Variants in COL21A1 observed in about 807,000 individuals in gnomAD.
The protein encoded by COL21A1 is collagen type XXI alpha 1 chain, also known as collagen alpha-1(XXI) chain.
A neutral mutation model predicts 137.9 loss-of-function variants in COL21A1; 149 were observed. That is an observed-to-expected ratio of 1.08 (90% CI 0.95 to 1.24). COL21A1 has a LOEUF of 1.24. Ranked by LOEUF, COL21A1 falls within the 50% of genes most tolerant of loss-of-function variation. The pLI, the probability that COL21A1 is intolerant of heterozygous loss-of-function variation, is 0.00. For missense variants in COL21A1, 1,167 were observed against 1,158.4 expected (o/e 1.01, Z -0.11); for synonymous variants, 456 against 391.5 (o/e 1.16, Z -1.95).
intron 1 of COL21A1, among the ~76,000 whole-genome samples, chr6:56,393,621 G>A (rs564175334): frequency 3.3e-5 from 5 of 152,308 alleles, no homozygotes; most frequent in African/African-American, 1.2e-4. Flanking sequence ...AGTGTATAGA[G>A]ATTCATGCTG....
intron 1 of COL21A1, among the ~76,000 whole-genome samples, chr6:56,183,594 T>C (rs759135767): frequency 9.2e-5 from 14 of 152,122 alleles, no homozygotes; most frequent in Non-Finnish European, 1.9e-4. Flanking sequence ...TAGAACAGCC[T>C]AGAGAGAGTC....
rs192268025 is a variant in COL21A1, at chr6:56,203,746, T to C, written c.-38-21090A>G. On this transcript the variant is annotated intron_variant, in intron 1 of 29. Coordinates refer to ENST00000244728, the MANE Select transcript of COL21A1 (RefSeq NM_030820.4). ...ATCAACACAGAAGGTGGGTGATTTCTGCATTTCCAACTGAGGTACCCAGTT... is the reference window on the plus strand; with the variant it reads ...ATCAACACAGAAGGTGGGTGATTTCCGCATTTCCAACTGAGGTACCCAGTT... Among the ~76,000 whole-genome samples the C allele has an allele frequency of 1.1e-4, 16 of 152,322 alleles. No individual in the cohort carries two copies. In the East Asian group the frequency reaches 3.1e-3, roughly 29 times the overall value.
intron 16 of COL21A1, among the ~76,000 whole-genome samples, chr6:56,107,257 G>A (rs992375078): frequency 1.3e-5 from 2 of 151,924 alleles, no homozygotes; most frequent in African/African-American, 2.4e-5. Context: ...ACGTCAATGA[G>A]GAGAAAACAA....
At chr6:56,103,774 A>C (rs2152172638) in intron 16 of COL21A1, among the ~76,000 whole-genome samples, 1 of 152,254 alleles carries the variant, frequency 6.6e-6, no homozygotes, top group Admixed American at 6.5e-5. Context: ...TGATTCTCAA[A>C]ATTTAACTTC....
At chr6:56,368,708 C>T (rs768633338) in intron 1 of COL21A1, among the ~76,000 whole-genome samples, 3 of 152,080 alleles carry the variant, frequency 2.0e-5, no homozygotes, top group Non-Finnish European at 4.4e-5. Context: ...TTCTTGGGAA[C>T]GAAGCTTCAA....
At chr6:56,092,581 G>A (rs1431364024) in intron 17 of COL21A1, among the ~76,000 whole-genome samples, 1 of 152,162 alleles carries the variant, frequency 6.6e-6, no homozygotes, top group Non-Finnish European at 1.5e-5. Context: ...AATATTGACT[G>A]AAGAGTCTTG....
intron 1 of COL21A1, among the ~76,000 whole-genome samples, chr6:56,391,326 T>C (rs1473786332): frequency 6.6e-6 from 1 of 151,852 alleles, no homozygotes; most frequent in African/African-American, 2.4e-5. Flanking sequence ...TGTATAACAA[T>C]AGACACTTCC....
chr6:56,116,257 TC>T (rs1485677124), intron 16 of COL21A1, among the ~76,000 whole-genome samples: 1 of 151,572 alleles, frequency 6.6e-6, no homozygotes, highest in Non-Finnish European at 1.5e-5. Context: ...AAAGAAAGGA[TC>T]CTAGAAGCAG....
chr6:56,098,422 AATATATAAATATATATAAATATATAT>A (rs1769889242), intron 17 of COL21A1, among the ~76,000 whole-genome samples: 1 of 6,470 alleles, frequency 1.5e-4, no homozygotes, highest in Non-Finnish European at 2.2e-4. Context: ...TAAATATATA[AATATATAAATATATATAAATATATAT>A]ATATATATAA....
At chr6:56,261,207 G>A (rs895290046) in intron 1 of COL21A1, among the ~76,000 whole-genome samples, 12 of 151,928 alleles carry the variant, frequency 7.9e-5, no homozygotes, top group Admixed American at 6.6e-5. Context: ...CACTAGCACA[G>A]CCCTGAGAAG....
chr6:56,181,710 TGACATC>T (rs1415347593), intron 2 of COL21A1, among the ~76,000 whole-genome samples: 1 of 152,142 alleles, frequency 6.6e-6, no homozygotes, highest in Non-Finnish European at 1.5e-5. Context: ...GAGAGATGAA[TGACATC>T]ATAGAAAAGG....
chr6:56,228,118 G>T (rs4712120), intron 1 of COL21A1, among the ~76,000 whole-genome samples: 91,763 of 151,760 alleles, frequency 0.6, 28,419 homozygotes, highest in East Asian at 0.81. Flanking sequence ...AAACAGAGCA[G>T]GAACATGGTC....
intron 1 of COL21A1, among the ~76,000 whole-genome samples, chr6:56,243,540 G>C (rs938873241): frequency 3.9e-5 from 6 of 152,176 alleles, no homozygotes; most frequent in South Asian, 2.1e-4. Flanking sequence ...ACAGAAAAGA[G>C]AGCTTCAGCT....
intron 17 of COL21A1, among the ~76,000 whole-genome samples, chr6:56,100,747 C>G (rs1347284774): frequency 6.6e-6 from 1 of 151,942 alleles, no homozygotes; most frequent in Non-Finnish European, 1.5e-5. Context: ...TAGTTTAATC[C>G]CTCTACCCTA....
At chr6:56,197,494 A>G (rs1468016144) in intron 1 of COL21A1, among the ~76,000 whole-genome samples, 1 of 152,150 alleles carries the variant, frequency 6.6e-6, no homozygotes, top group Non-Finnish European at 1.5e-5. Flanking sequence ...ATACATAAGA[A>G]ACCCACACAA....
At chr6:56,354,526 G>A (rs1470942018) in intron 1 of COL21A1, among the ~76,000 whole-genome samples, 1 of 152,158 alleles carries the variant, frequency 6.6e-6, no homozygotes, top group Non-Finnish European at 1.5e-5. Context: ...GAGCTGACAT[G>A]ACTAGATTCC....
rs188784981 is a variant in COL21A1, at chr6:56,092,414, T to C, written c.1812+9058A>G. 8.5e-5 allele frequency among the ~76,000 whole-genome samples: 13 copies of C among 152,300 alleles called. No individual in the cohort carries two copies. In the East Asian group the frequency reaches 1.9e-3, roughly 23 times the overall value. ...ATTATATATAGCACATTAAGTATCATCCATTTAATTGCTTCAAATTTACAA... is the reference window on the plus strand; with the variant it reads ...ATTATATATAGCACATTAAGTATCACCCATTTAATTGCTTCAAATTTACAA... On this transcript the variant is annotated intron_variant, in intron 17 of 29. Transcript: ENST00000244728.
At chr6:56,369,485 C>T (rs1287202372) in intron 1 of COL21A1, among the ~76,000 whole-genome samples, 1 of 151,680 alleles carries the variant, frequency 6.6e-6, no homozygotes, top group East Asian at 1.9e-4. Context: ...AGAGGCTTTT[C>T]TGGACATAAA....
At chr6:56,325,039 C>A (rs941104887) in intron 1 of COL21A1, among the ~76,000 whole-genome samples, 2 of 150,650 alleles carry the variant, frequency 1.3e-5, no homozygotes, top group African/African-American at 4.9e-5. Flanking sequence ...ACCCTTTTTG[C>A]GCTATCCTGT....
Sources: gnomAD v4.1 joint callset for allele counts (sites outside exome capture counted in the v4.1 genomes callset) on GRCh38, gnomAD v4.1.1 for gene constraint, MANE v1.5 for transcripts, NCBI Gene and HGNC (gene_info 2026-07-23, HGNC 2026-07-21) for gene names.